FRMPD3: variants seen among roughly 807,000 people sequenced by gnomAD.
FRMPD3 encodes the protein FERM and PDZ domain-containing protein 3.
A neutral mutation model predicts 97.9 loss-of-function variants in FRMPD3; 42 were observed. That is an observed-to-expected ratio of 0.43 (90% confidence interval 0.34 to 0.55). The LOEUF is 0.55. FRMPD3 is among the 20% of genes least tolerant of loss of function. FRMPD3 has a pLI of 0.03. For missense variants in FRMPD3, 1,303 were observed against 1,457.7 expected, an observed-to-expected ratio of 0.89 and a Z score of 1.73; for synonymous variants, 577 against 581.1, an observed-to-expected ratio of 0.99 and a Z score of 0.10.
chrX:107,461,700 A>C (rs1005889210), intron 1 of FRMPD3, among the ~76,000 whole-genome samples: 2 of 110,382 alleles, frequency 1.8e-5, no homozygotes, highest in Admixed American at 2.0e-4. Flanking sequence ...TACTATATCA[A>C]ATAGAAGCTC....
intron 1 of FRMPD3, among the ~76,000 whole-genome samples, chrX:107,513,604 T>C (rs1410435048): frequency 8.9e-6 from 1 of 112,175 alleles, no homozygotes; most frequent in Non-Finnish European, 1.9e-5. Flanking sequence ...TTTGACTGCA[T>C]TCTCTCTCTG....
At chrX:107,554,787 A>C in intron 8 of FRMPD3, 2 of 289,003 alleles carry the variant, frequency 6.9e-6, no homozygotes, top group Non-Finnish European at 1.2e-5. Context: ...CAGGATCCTA[A>C]AGTTTAACAA....
At chrX:107,512,623 C>T (rs910060946) in intron 1 of FRMPD3, among the ~76,000 whole-genome samples, 1 of 111,458 alleles carries the variant, frequency 9.0e-6, no homozygotes, top group African/African-American at 3.3e-5. Flanking sequence ...TTCCTCATCT[C>T]TCCCGTTCTG....
At chrX:107,516,723 G>T (rs1332268039) in intron 1 of FRMPD3, among the ~76,000 whole-genome samples, 9 of 103,917 alleles carry the variant, frequency 8.7e-5, no homozygotes, top group Non-Finnish European at 9.9e-5. Flanking sequence ...TGATGGGGTT[G>T]TTTTTTTTTT....
At chrX:107,524,798 G>A (rs1161155663) in intron 1 of FRMPD3, among the ~76,000 whole-genome samples, 1 of 110,428 alleles carries the variant, frequency 9.1e-6, no homozygotes, top group African/African-American at 3.3e-5. Flanking sequence ...TTCAAGACCA[G>A]CCTGGCCAAC....
chrX:107,477,577 A>T (rs939853330), intron 1 of FRMPD3, among the ~76,000 whole-genome samples: 4 of 112,992 alleles, frequency 3.5e-5, no homozygotes, highest in Non-Finnish European at 5.6e-5. Context: ...CTCGCACAGC[A>T]TTTAATCAGC....
chrX:107,560,998 G>A, intron 10 of FRMPD3, 145 bp downstream of exon 10: 1 of 619,257 alleles, frequency 1.6e-6, no homozygotes, highest in Non-Finnish European at 2.3e-6. Flanking sequence ...GGCCAGGTGT[G>A]GGGCAGTTGT....
intron 13 of FRMPD3, among the ~76,000 whole-genome samples, chrX:107,595,579 A>G (rs1924126687): frequency 9.0e-6 from 1 of 111,329 alleles, no homozygotes; most frequent in Non-Finnish European, 1.9e-5. Context: ...AGTTTGATTT[A>G]TAGTATTGTT....
intron 13 of FRMPD3, among the ~76,000 whole-genome samples, chrX:107,597,009 C>T (rs1924206343): frequency 1.8e-5 from 2 of 111,656 alleles, no homozygotes; most frequent in South Asian, 7.6e-4. Context: ...AAGAGTCCAG[C>T]TGTGCCCAGA....
chrX:107,482,229 G>A (rs987521007), intron 1 of FRMPD3, among the ~76,000 whole-genome samples: 1 of 111,470 alleles, frequency 9.0e-6, no homozygotes, highest in Non-Finnish European at 1.9e-5. Context: ...TCTGGAGTCA[G>A]GCCAAGCTCC....
chrX:107,499,016 C>T (rs1279878624), intron 1 of FRMPD3, among the ~76,000 whole-genome samples: 1 of 110,597 alleles, frequency 9.0e-6, no homozygotes, highest in Non-Finnish European at 1.9e-5. Context: ...CATCCCTCTC[C>T]CCTCCGGTTC....
chrX:107,560,805 C>T lies in FRMPD3; in HGVS notation c.978C>T (p.Leu326=). The T allele has an allele frequency of 1.7e-6, 2 of 1,192,465 alleles. No individual in the cohort carries two copies. Among genetic ancestry groups the T allele is most frequent in the Non-Finnish European group, 2.3e-6 (2 of 885,677 alleles). Reference sequence around the variant, plus strand: ...AAGAGAAGAACCTCCGGAAATCTCTCTCTCAGCAACTGAAGGCTCACCAAA... The same window carrying T: ...AAGAGAAGAACCTCCGGAAATCTCTTTCTCAGCAACTGAAGGCTCACCAAA... ...VIKEKNLRKS[L]SQQLKAHQTH... is the part of the protein sequence containing the mutation. Residue 326 remains leucine (L), a synonymous_variant, in exon 10 of 15, where the codon CTC becomes CTT. Transcript: ENST00000683843.
chrX:107,599,828 T>C lies in FRMPD3; in HGVS notation c.2264-475T>C, dbSNP rs192488735. ...CCTCCACTCTTCCCACCCTCAGCCC[T>C]GCATTCTCGCCAGGCCTGTCTGTTT... On this transcript the variant is annotated intron_variant, in intron 14 of 14. Transcript: ENST00000683843. Among the ~76,000 whole-genome samples, 749 of 110,022 alleles carry C rather than the reference T, an allele frequency of 6.8e-3. 8 individuals carry two copies. Among genetic ancestry groups the C allele is most frequent in the African/African-American group, 0.023 (701 of 30,294 alleles).
chrX:107,471,318 C>A (rs1329755999), intron 1 of FRMPD3, among the ~76,000 whole-genome samples: 4 of 75,468 alleles, frequency 5.3e-5, no homozygotes, highest in African/African-American at 2.2e-4. Context: ...CCCTCCCTCC[C>A]TCCCTTCCTT....
rs1931248096 is a variant in FRMPD3 at position 107,449,963 on chromosome X, G to T, written c.-50G>T. ...CGCCGCTGAGGAGGCGGAGGAGGAG[G>T]AGGAGGAGGAGGAAGAGGAGGAGGA... On this transcript the variant is annotated 5_prime_UTR_variant, in exon 1 of 15. Coordinates refer to ENST00000683843, the MANE Select transcript of FRMPD3 (RefSeq NM_001388459.1). Among the ~76,000 whole-genome samples the T allele has an allele frequency of 9.0e-6, 1 of 110,785 alleles. No homozygotes were observed. The highest frequency in any genetic ancestry group is 3.2e-5 in the African/African-American group (1 of 30,866).
At chrX:107,481,335 T>TTAG (rs1268300057) in intron 1 of FRMPD3, among the ~76,000 whole-genome samples, 2 of 111,846 alleles carry the variant, frequency 1.8e-5, no homozygotes, top group Non-Finnish European at 3.8e-5. Flanking sequence ...AACAGAGTCA[T>TTAG]TAGGTTGGAG....
chrX:107,506,985 G>T (rs1922047302), intron 1 of FRMPD3, among the ~76,000 whole-genome samples: 1 of 111,210 alleles, frequency 9.0e-6, no homozygotes, highest in South Asian at 3.9e-4. Context: ...CAGCAGCCCA[G>T]CCCCGGCCCG....
rs757104581 is a variant in FRMPD3, at chrX:107,580,626, G to A, written c.1441+4167G>A. 1.9e-3 allele frequency among the ~76,000 whole-genome samples: 211 copies of A among 111,585 alleles called. 2 individuals carry two copies. Among genetic ancestry groups the A allele is most frequent in the Middle Eastern group, 9.2e-3 (2 of 218 alleles). On this transcript the variant is annotated intron_variant, in intron 13 of 14. Transcript: ENST00000683843. Reference sequence around the variant, plus strand: ...TCCTGATTGCTCAGCTGTCTCATACGTAGTTAGCACCTGGTACATCCCCAG... The same window carrying A: ...TCCTGATTGCTCAGCTGTCTCATACATAGTTAGCACCTGGTACATCCCCAG...
In FRMPD3 at chrX:107,602,708, G is replaced by A; in HGVS notation, c.4669G>A (p.Ala1557Thr). The change falls in exon 15 of 15, where the codon GCC becomes ACC. Residue 1557 changes from alanine (A) to threonine (T), a missense_variant. Ala to Thr is a moderately conservative substitution (Grantham distance 58, BLOSUM62 0). Around this residue, in one of 3 missense-constraint regions of FRMPD3, gnomAD observed 764 missense variants for 820.2 expected, o/e 0.93. Coordinates refer to ENST00000683843, the MANE Select transcript of FRMPD3 (RefSeq NM_001388459.1). ...TACCTGCAGCAGCAGCAGCCCTGAG[G>A]CCTCCCGCACTCAGGAGATTGACCT... ...AATCSSSSPEASRTQEIDLRV... is the reference protein window; with the variant it reads ...AATCSSSSPETSRTQEIDLRV... 3 of 1,208,378 alleles carry A rather than the reference G, an allele frequency of 2.5e-6. No individual in the cohort carries two copies. The highest frequency in any genetic ancestry group is 3.4e-6 in the Non-Finnish European group (3 of 894,727).
Sources: allele counts gnomAD v4.1 joint callset (sites outside exome capture counted in the v4.1 genomes callset), GRCh38; gene constraint gnomAD v4.1.1; regional missense constraint gnomAD v4.1.1; transcripts MANE v1.5; gene names NCBI Gene and HGNC (gene_info 2026-07-23, HGNC 2026-07-21).